The following DISP1 variants were observed in gnomAD, a reference collection of about 807,000 sequenced individuals.
The protein encoded by DISP1 is protein dispatched homolog 1.
DISP1 carries 30 observed loss-of-function variants against 37.3 expected under a neutral mutation model. The observed-to-expected ratio is 0.80, with a 90% CI of 0.60 to 1.09. The LOEUF is 1.09. DISP1 is among the 50% of genes least tolerant of loss of function. The pLI, the probability that DISP1 is intolerant of heterozygous loss-of-function variation, is 0.00. For missense variants in DISP1, 1,598 were observed against 1,879.5 expected (o/e 0.85, Z 2.77); for synonymous variants, 634 against 690.2 (o/e 0.92, Z 1.28).
intron 1 of DISP1, among the ~76,000 whole-genome samples, chr1:222,832,617 C>T (rs1020770376): frequency 6.6e-6 from 1 of 152,080 alleles, no homozygotes. Context: ...AATGAAGGCC[C>T]GGCATGGTGG....
chr1:222,894,708 G>A (rs1328033280), intron 1 of DISP1, among the ~76,000 whole-genome samples: 1 of 152,194 alleles, frequency 6.6e-6, no homozygotes, highest in Admixed American at 6.5e-5. Flanking sequence ...TTGCCAATTC[G>A]GAAATGGGTG....
In DISP1 at chr1:222,900,118, C is replaced by CAT. The variant is rs569792441; in HGVS notation, c.-158-28305_-158-28304dup. On this transcript the variant is annotated intron_variant, in intron 1 of 8. Transcript: ENST00000675850. ...CAGGTAGTTTAGTTCTTAAAATCTT[C>CAT]ATATATATTTCCTTATTAACATTAA... 3.3e-3 allele frequency among the ~76,000 whole-genome samples: 497 copies of CAT among 152,222 alleles called. 5 individuals are homozygous for CAT. The highest frequency in any genetic ancestry group is 0.011 in the South Asian group (55 of 4,816).
intron 3 of DISP1, among the ~76,000 whole-genome samples, chr1:222,974,943 A>G (rs1234883571): frequency 6.6e-6 from 1 of 152,246 alleles, no homozygotes; most frequent in African/African-American, 2.4e-5. Flanking sequence ...AACTGAAGTT[A>G]CTACTTGCAG....
At chr1:222,815,887 C>T (rs1030739351) in intron 1 of DISP1, among the ~76,000 whole-genome samples, 2 of 152,188 alleles carry the variant, frequency 1.3e-5, no homozygotes, top group African/African-American at 4.8e-5. Flanking sequence ...AAAGCCAGTG[C>T]TGTCAATGTT....
At chr1:222,931,051 G>T (rs1221028996) in intron 2 of DISP1, among the ~76,000 whole-genome samples, 1 of 152,008 alleles carries the variant, frequency 6.6e-6, no homozygotes, top group Admixed American at 6.6e-5. Context: ...TCACAAAACA[G>T]CAGGGAGTGG....
At chr1:222,936,822 A>T (rs58487893) in intron 2 of DISP1, among the ~76,000 whole-genome samples, 30 of 41,366 alleles carry the variant, frequency 7.3e-4, no homozygotes, top group African/African-American at 2.7e-3. Flanking sequence ...ATTATATATA[A>T]TATATATAAA....
chr1:222,965,024 ATTC>A (rs992897697), intron 3 of DISP1, among the ~76,000 whole-genome samples: 6 of 151,962 alleles, frequency 3.9e-5, no homozygotes, highest in Middle Eastern at 3.4e-3. Context: ...TTTTTCAAGT[ATTC>A]TTCTATTCCA....
chr1:222,831,130 G>A (rs926343985), intron 1 of DISP1: 1 of 152,150 alleles, frequency 6.6e-6, no homozygotes, highest in African/African-American at 2.4e-5. Flanking sequence ...TAATTGTACA[G>A]AACCATTAAC....
At chr1:222,903,253 A>C (rs1222753250) in intron 1 of DISP1, among the ~76,000 whole-genome samples, 3 of 139,390 alleles carry the variant, frequency 2.2e-5, no homozygotes, top group East Asian at 4.5e-4. Context: ...AACAACGAGA[A>C]CACATGGACA....
At chr1:222,846,735 C>G (rs67787140) in intron 1 of DISP1, among the ~76,000 whole-genome samples, 31,801 of 152,190 alleles carry the variant, frequency 0.21, 3,587 homozygotes, top group Middle Eastern at 0.34. Flanking sequence ...TTATGATTCT[C>G]CATTGTGATG....
chr1:222,977,431 A>G (rs1158551273), intron 3 of DISP1, among the ~76,000 whole-genome samples: 2 of 141,430 alleles, frequency 1.4e-5, no homozygotes, highest in African/African-American at 5.3e-5. Context: ...AGGCTTAATT[A>G]CAAATATTTT....
At chr1:222,906,781 G>A (rs1671920131) in intron 1 of DISP1, among the ~76,000 whole-genome samples, 1 of 152,254 alleles carries the variant, frequency 6.6e-6, no homozygotes, top group African/African-American at 2.4e-5. Context: ...CTCTGCCTAT[G>A]AGAGTAGCCA....
At chr1:222,956,123 G>A (rs1675576623) in intron 3 of DISP1, among the ~76,000 whole-genome samples, 1 of 152,118 alleles carries the variant, frequency 6.6e-6, no homozygotes, top group Non-Finnish European at 1.5e-5. Context: ...GTGTGTCTGT[G>A]GTCACTCAGG....
rs773930993 is a variant in DISP1, at chr1:223,003,007, G to C, written c.1610G>C (p.Ser537Thr). ...CTGATGACAATGTTTGCAATAATCA[G>C]TTCTTTGATTGTTTCCTATTTTCTC... ...ITLMTMFAII[S>T]SLIVSYFLYR... Residue 537 changes from serine to threonine, a missense_variant, in exon 9 of 9, where the codon AGT (serine) becomes ACT (threonine). Coordinates refer to ENST00000675850, the MANE Select transcript of DISP1 (RefSeq NM_001377229.1). This position sits in a 1 kb window ranked among gnomAD's most constrained non-coding sequence, Gnocchi z 4.3. 5.0e-6 allele frequency: 8 copies of C among 1,613,854 alleles called. No homozygotes were observed. The South Asian group carries it at 8.8e-5, about 18-fold the overall frequency.
At chr1:222,891,973 C>A (rs1480644138) in intron 1 of DISP1, among the ~76,000 whole-genome samples, 1 of 150,966 alleles carries the variant, frequency 6.6e-6, no homozygotes, top group African/African-American at 2.4e-5. Context: ...GACTGAAAAC[C>A]AAGAGCAAGA....
intron 1 of DISP1, among the ~76,000 whole-genome samples, chr1:222,854,545 G>A (rs1322570530): frequency 1.3e-5 from 2 of 152,044 alleles, no homozygotes; most frequent in Non-Finnish European, 2.9e-5. Flanking sequence ...AGATTTGGGT[G>A]GGGACACATA....
chr1:222,957,973 C>G (rs926817468), intron 3 of DISP1, among the ~76,000 whole-genome samples: 1 of 152,166 alleles, frequency 6.6e-6, no homozygotes, highest in African/African-American at 2.4e-5. Flanking sequence ...TGGCAGAGAC[C>G]ATGTACATTA....
At position 222,992,034 on chromosome 1, in the gene DISP1, A is replaced by G; in HGVS notation, c.813A>G (p.Ser271=). 6.2e-7 allele frequency: 1 copy of G among 1,613,774 alleles called. No individual in the cohort carries two copies. Among genetic ancestry groups the G allele is most frequent in the Non-Finnish European group, 8.5e-7 (1 of 1,179,678 alleles). The change falls in exon 7 of 9, where the codon TCA becomes TCG. Residue 271 remains serine (S), a synonymous_variant. Coordinates refer to ENST00000675850, the MANE Select transcript of DISP1 (RefSeq NM_001377229.1). ...QAKSHRDDRW[S]DDHYEREKRE... ...TCAGCCATCGGGATGATAGATGGTC[A>G]GATGATCATTATGAAAGAGAGAAAA... is the stretch of plus-strand genomic sequence containing the variant.
chr1:222,836,769 A>ACC (rs1489883241), intron 1 of DISP1, among the ~76,000 whole-genome samples: 41 of 151,884 alleles, frequency 2.7e-4, no homozygotes, highest in South Asian at 1.2e-3. Flanking sequence ...ATATACACAC[A>ACC]CACACACACA....
Sources: allele counts gnomAD v4.1 joint callset (sites outside exome capture counted in the v4.1 genomes callset), GRCh38; gene constraint gnomAD v4.1.1; non-coding constraint Gnocchi (gnomAD v3.1); transcripts MANE v1.5; gene names NCBI Gene and HGNC (gene_info 2026-07-23, HGNC 2026-07-21).